ABHD2: variants seen among roughly 807,000 people sequenced by gnomAD.
ABHD2 encodes the protein monoacylglycerol lipase ABHD2.
ABHD2 carries 20 observed loss-of-function variants against 48.1 expected under a neutral mutation model. The ratio of observed to expected loss-of-function variants is 0.42; its 90% CI spans 0.29 to 0.60. ABHD2 has a LOEUF of 0.60. Ranked by LOEUF, ABHD2 falls within the 20% of genes least tolerant of loss-of-function variation. The pLI, the probability that ABHD2 is intolerant of heterozygous loss-of-function variation, is 0.24. For missense variants in ABHD2, 405 were observed against 550.9 expected (o/e 0.74, Z 2.65); for synonymous variants, 209 against 214.2 (o/e 0.98, Z 0.21).
rs1376018505 is a variant in ABHD2 at position 89,091,229 on chromosome 15, A to G, written c.-107+2666A>G. Reference sequence around the variant, plus strand: ...TGATGAAAAGATGCCTGCCACTTTCATTTTTTGCAGGAATCCAGTCACCTT... The same window carrying G: ...TGATGAAAAGATGCCTGCCACTTTCGTTTTTTGCAGGAATCCAGTCACCTT... On this transcript the variant is annotated intron_variant, in intron 1 of 10. Coordinates refer to ENST00000352732, the MANE Select transcript of ABHD2 (RefSeq NM_152924.5). The surrounding 1 kb of genome is among the most constrained non-coding windows in gnomAD (Gnocchi z 5.5). Among the ~76,000 whole-genome samples the G allele has an allele frequency of 6.6e-6, 1 of 151,994 alleles. No individual in the cohort carries two copies. The highest frequency in any genetic ancestry group is 1.5e-5 in the Non-Finnish European group (1 of 67,972).
the ABHD2 span, among the ~76,000 whole-genome samples, chr15:89,080,805 C>T: frequency 6.6e-6 from 1 of 151,618 alleles, no homozygotes; most frequent in Non-Finnish European, 1.5e-5. Context: ...AGTGATTCTC[C>T]TGCCTCAGCC....
chr15:89,062,486 G>T, the ABHD2 span, among the ~76,000 whole-genome samples: 1 of 152,062 alleles, frequency 6.6e-6, no homozygotes, highest in Non-Finnish European at 1.5e-5. Context: ...CCGGGCTCAA[G>T]AAGGGAGTAT....
rs566913719 is a variant in ABHD2 at position 89,104,546 on chromosome 15, C to T, written c.-106-9179C>T. ...GGGGCACTGGGAGCCTTGTCTGCTC[C>T]CAGTCGGCGTTGGGAAACCAGAACG... On this transcript the variant is annotated intron_variant, in intron 1 of 10. Coordinates refer to ENST00000352732, the MANE Select transcript of ABHD2 (RefSeq NM_152924.5). The surrounding 1 kb of genome is among the most constrained non-coding windows in gnomAD (Gnocchi z 4.4). Among the ~76,000 whole-genome samples the T allele has an allele frequency of 6.6e-6, 1 of 152,192 alleles. No individual in the cohort carries two copies. Among genetic ancestry groups the T allele is most frequent in the Admixed American group, 6.5e-5 (1 of 15,274 alleles).
the ABHD2 span, among the ~76,000 whole-genome samples, chr15:89,079,686 C>A: frequency 2.0e-5 from 3 of 152,124 alleles, no homozygotes; most frequent in Non-Finnish European, 4.4e-5. This position sits in a 1 kb window ranked among gnomAD's most constrained non-coding sequence, Gnocchi z 4.3. Flanking sequence ...TATGGGGATG[C>A]GGCAAATTAA....
At position 89,100,500 on chromosome 15, in the gene ABHD2, G is replaced by T. The variant is rs184132638; in HGVS notation, c.-107+11937G>T. 2.6e-3 allele frequency among the ~76,000 whole-genome samples: 396 copies of T among 152,158 alleles called. 2 individuals are homozygous for T. Among genetic ancestry groups the T allele is most frequent in the African/African-American group, 9.1e-3 (379 of 41,492 alleles). On this transcript the variant is annotated intron_variant, in intron 1 of 10. Coordinates refer to ENST00000352732, the MANE Select transcript of ABHD2 (RefSeq NM_152924.5). This position sits in a 1 kb window ranked among gnomAD's most constrained non-coding sequence, Gnocchi z 4.4. Reference sequence around the variant, plus strand: ...GTAGCCTCTCTACCCCACCACCAATGTACATCTACAGAAAGCATCTCAATG... The same window carrying T: ...GTAGCCTCTCTACCCCACCACCAATTTACATCTACAGAAAGCATCTCAATG...
At chr15:89,080,913 C>G in the ABHD2 span, among the ~76,000 whole-genome samples, 61,248 of 151,656 alleles carry the variant, frequency 0.4, 13,007 homozygotes, top group Non-Finnish European at 0.48. Flanking sequence ...AGTATTTGTC[C>G]TCTTGTGATT....
intron 1 of ABHD2, among the ~76,000 whole-genome samples, chr15:89,101,425 C>T (rs913817850): frequency 2.6e-5 from 4 of 152,204 alleles, no homozygotes; most frequent in African/African-American, 9.7e-5. Context: ...GTGGCAATTA[C>T]TCATAAAGGC....
At chr15:89,046,463 G>C in the ABHD2 span, among the ~76,000 whole-genome samples, 1 of 151,796 alleles carries the variant, frequency 6.6e-6, no homozygotes, top group African/African-American at 2.4e-5. Context: ...AATAGTTTCA[G>C]AAGGAATGGT....
At chr15:89,129,930 A>G (rs1006292187) in intron 3 of ABHD2, among the ~76,000 whole-genome samples, 33 of 152,248 alleles carry the variant, frequency 2.2e-4, no homozygotes, top group African/African-American at 7.7e-4. Flanking sequence ...AAATAGCAAA[A>G]GACATAATGT....
chr15:89,093,025 A>T (rs1371587933), intron 1 of ABHD2, among the ~76,000 whole-genome samples: 1 of 151,822 alleles, frequency 6.6e-6, no homozygotes, highest in Non-Finnish European at 1.5e-5. Flanking sequence ...CTGGAGAGTG[A>T]GGAACGCATT....
At chr15:89,108,567 A>G (rs1327811563) in intron 1 of ABHD2, among the ~76,000 whole-genome samples, 1 of 152,144 alleles carries the variant, frequency 6.6e-6, no homozygotes, top group Non-Finnish European at 1.5e-5. Flanking sequence ...AACTTGCTAC[A>G]CCAGGTAATG....
the ABHD2 span, among the ~76,000 whole-genome samples, chr15:89,060,495 A>G: frequency 1.3e-5 from 2 of 152,100 alleles, no homozygotes; most frequent in African/African-American, 2.4e-5. Flanking sequence ...ATAAAAACCT[A>G]AGGACTTATC....
chr15:89,073,558 A>G, the ABHD2 span, among the ~76,000 whole-genome samples: 1 of 152,090 alleles, frequency 6.6e-6, no homozygotes, highest in Non-Finnish European at 1.5e-5. Flanking sequence ...CGGCCTCCCA[A>G]AGTGCTGGGA....
chr15:89,069,232 ATCC>A, the ABHD2 span, among the ~76,000 whole-genome samples: 1 of 151,214 alleles, frequency 6.6e-6, no homozygotes, highest in East Asian at 1.9e-4. Flanking sequence ...CTCACAAGCA[ATCC>A]TCCTGTCTCA....
At chr15:89,130,467 A>G (rs746422377) in intron 3 of ABHD2, among the ~76,000 whole-genome samples, 6 of 152,148 alleles carry the variant, frequency 3.9e-5, no homozygotes, top group Non-Finnish European at 7.3e-5. Context: ...TCCAAGGGAG[A>G]TAATACAGTC....
At chr15:89,086,436 A>C (rs993600940), upstream of ABHD2, among the ~76,000 whole-genome samples, 3 of 152,160 alleles carry the variant, frequency 2.0e-5, no homozygotes, top group African/African-American at 7.2e-5. Flanking sequence ...TATTTGTCAA[A>C]CAAGGTCTCA....
chr15:89,112,803 G>A (rs2049896341), intron 1 of ABHD2, among the ~76,000 whole-genome samples: 1 of 151,688 alleles, frequency 6.6e-6, no homozygotes, highest in Non-Finnish European at 1.5e-5. Context: ...GTGATTAAGA[G>A]GAGGATCTCT....
At chr15:89,171,010 C>T (rs7166998) in intron 5 of ABHD2, among the ~76,000 whole-genome samples, 1 of 151,808 alleles carries the variant, frequency 6.6e-6, no homozygotes, top group African/African-American at 2.4e-5. Flanking sequence ...CAGCTACTCA[C>T]GAGGCTGAGG....
intron 3 of ABHD2, among the ~76,000 whole-genome samples, chr15:89,145,725 T>C (rs1427632756): frequency 1.3e-5 from 2 of 152,202 alleles, no homozygotes; most frequent in Non-Finnish European, 2.9e-5. Flanking sequence ...CACTCTGAAA[T>C]TGAAGGCATC....
Sources: gnomAD v4.1 joint callset for allele counts (sites outside exome capture counted in the v4.1 genomes callset) on GRCh38, gnomAD v4.1.1 for gene constraint, Gnocchi (gnomAD v3.1) non-coding constraint, MANE v1.5 for transcripts, NCBI Gene and HGNC (gene_info 2026-07-23, HGNC 2026-07-21) for gene names.